The following DCTN1 variants were observed in gnomAD, a reference collection of about 807,000 sequenced individuals.
DCTN1 encodes dynactin subunit 1, also known as 150 kDa dynein-associated polypeptide.
A neutral mutation model predicts 161.2 loss-of-function variants in DCTN1; 61 were observed. That is an observed-to-expected ratio of 0.38 (90% CI 0.31 to 0.47). The LOEUF (loss-of-function observed/expected upper bound fraction) is 0.47, where lower values mean the gene tolerates loss of function less well. Ranked by LOEUF, DCTN1 falls within the 20% of genes least tolerant of loss-of-function variation. The pLI, the probability that DCTN1 is intolerant of heterozygous loss-of-function variation, is 0.99. For synonymous variants in DCTN1, 653 were observed against 632.4 expected (o/e 1.03, Z -0.49); for missense variants, 1,404 against 1,623.7 (o/e 0.86, Z 2.33).
At chr2:74,373,342 G>A (rs1675008984) in intron 6 of DCTN1, 2 of 326,752 alleles carry the variant, frequency 6.1e-6, no homozygotes, top group Non-Finnish European at 6.0e-6. Context: ...GCCCCGCCCA[G>A]CCACCACTCC....
chr2:74,387,977 G>A (rs1194925732), intron 1 of DCTN1, among the ~76,000 whole-genome samples: 1 of 152,168 alleles, frequency 6.6e-6, no homozygotes, highest in Non-Finnish European at 1.5e-5. Flanking sequence ...TTGAGGCCAG[G>A]AGTTTGAGAT....
At chr2:74,385,978 T>C (rs1217741818) in intron 1 of DCTN1, among the ~76,000 whole-genome samples, 6 of 152,236 alleles carry the variant, frequency 3.9e-5, no homozygotes, top group African/African-American at 1.4e-4. Context: ...TCTCTCTTCT[T>C]ATTCACCTCT....
intron 7 of DCTN1, among the ~76,000 whole-genome samples, chr2:74,372,426 G>T (rs1344068121): frequency 6.6e-6 from 1 of 152,208 alleles, no homozygotes; most frequent in African/African-American, 2.4e-5. Context: ...GTGGGCAGAG[G>T]AGCTGACCTG....
chr2:74,378,021 G>C lies in DCTN1; in HGVS notation c.258C>G (p.Gly86=), dbSNP rs140054458. The C allele has an allele frequency of 6.2e-7, 1 of 1,614,262 alleles. No homozygotes were observed. The change falls in exon 2 of 32, where the codon GGC becomes GGG. Residue 86 remains glycine, a synonymous_variant. Transcript: ENST00000628224. ...RKYFTCDEGH[G]IFVRQSQIQV... is the part of the protein sequence containing the mutation. ...ATACCTGGGACTGGCGCACAAAGAT[G>C]CCATGCCCTTCATCACAAGTGAAGT...
Position 74,370,105 on chromosome 2 carries a change from G to T in DCTN1, c.1288-36C>A. ...GGGAGGATAGGGAGAAGGGCTGCTG[G>T]AAGGTACCTAGAAAGAGGAGGCATC... On this transcript the variant is annotated intron_variant, in intron 12 of 31. Transcript: ENST00000628224. This position sits in a 1 kb window ranked among gnomAD's most constrained non-coding sequence, Gnocchi z 4.4. The T allele has an allele frequency of 6.2e-7, 1 of 1,614,102 alleles. No individual in the cohort carries two copies. The highest frequency in any genetic ancestry group is 8.5e-7 in the Non-Finnish European group (1 of 1,179,976).
chr2:74,368,272 T>C (rs1000109598), intron 16 of DCTN1, 141 bp from the exon 17 acceptor site: 28 of 1,135,876 alleles, frequency 2.5e-5, no homozygotes, highest in Non-Finnish European at 3.5e-5. Context: ...CTTACCTGGG[T>C]GGGGAATCTT....
intron 23 of DCTN1, 94 bp from the exon 24 acceptor site, chr2:74,366,112 C>T: frequency 6.2e-7 from 1 of 1,611,984 alleles, no homozygotes; most frequent in Non-Finnish European, 8.5e-7. Flanking sequence ...CAGGGAAAAC[C>T]CTGCCTTCTA....
rs1412350134 is a variant in DCTN1, at chr2:74,369,450, T to C, written c.1434A>G (p.Ala478=). The C allele has an allele frequency of 6.2e-7, 1 of 1,614,012 alleles. No individual in the cohort carries two copies. The highest frequency in any genetic ancestry group is 1.3e-5 in the African/African-American group (1 of 74,930). Residue 478 remains alanine, a synonymous_variant, in exon 14 of 32, where the codon GCA becomes GCG. Transcript: ENST00000628224. The surrounding 1 kb of genome is among the most constrained non-coding windows in gnomAD (Gnocchi z 4.9). ...NEMNDELQEN[A]RETELELREQ... ...CCCGCAGCTCCAGTTCTGTCTCACG[T>C]GCATTCTCCTGCAGCTCATCGTTCA...
chr2:74,364,932 C>G, intron 26 of DCTN1, 143 bp downstream of exon 26: 4 of 1,063,652 alleles, frequency 3.8e-6, no homozygotes, highest in Non-Finnish European at 5.6e-6. Flanking sequence ...TTGGTGAAAA[C>G]TGGCACAGAG....
chr2:74,361,330 C>T lies in DCTN1; in HGVS notation c.*169G>A. ...GGCCAGGGAATGGGAGTGGGGGAAC[C>T]CGGGTCAAGGTGAAGGGGCAGGACG... On this transcript the variant is annotated 3_prime_UTR_variant, in exon 32 of 32. Coordinates refer to ENST00000628224, the MANE Select transcript of DCTN1 (RefSeq NM_004082.5). The T allele has an allele frequency of 1.0e-6, 1 of 953,120 alleles. No individual in the cohort carries two copies. The highest frequency in any genetic ancestry group is 1.6e-6 in the Non-Finnish European group (1 of 616,436). 59.0% of individuals were successfully genotyped at this position (953,120 alleles called of 1,614,324 possible).
chr2:74,370,340 C>T lies in DCTN1; in HGVS notation c.1133G>A (p.Arg378Gln), dbSNP rs750095273. The T allele has an allele frequency of 1.2e-6, 2 of 1,613,942 alleles. No homozygotes were observed. Among genetic ancestry groups the T allele is most frequent in the Middle Eastern group, 1.7e-4 (1 of 6,058 alleles). The part of the protein sequence containing the change: ...ARLKDALVRM[R>Q]DLSSSEKQEH... ...CTGCTTCTCTGAGGAAGAAAGATCC[C>T]GCATCCTGCAGGGATGTGAGGAAGG... is the stretch of plus-strand genomic sequence containing the variant. Residue 378 changes from arginine to glutamine, a missense_variant, in exon 12 of 32, where the codon CGG (arginine) becomes CAG (glutamine). Arg to Gln is a conservative substitution (Grantham distance 43). Around this residue, in one of 9 missense-constraint regions of DCTN1, gnomAD observed 278 missense variants for 363.8 expected, o/e 0.76. Transcript: ENST00000628224. The surrounding 1 kb of genome is among the most constrained non-coding windows in gnomAD (Gnocchi z 4.4).
chr2:74,365,754 A>C, intron 24 of DCTN1, 97 bp from the exon 25 acceptor site: 1 of 1,611,124 alleles, frequency 6.2e-7, no homozygotes, highest in East Asian at 2.2e-5. Flanking sequence ...CTGAGGGCTC[A>C]CCACAGCTCC....
Position 74,371,002 on chromosome 2 carries a change from G to A in DCTN1, c.820C>T (p.Arg274Trp), listed in dbSNP as rs1420213643. The change falls in exon 9 of 32, where the codon CGG becomes TGG. Residue 274 changes from arginine (R) to tryptophan (W), a missense_variant. By Grantham distance (101) the Arg-to-Trp change is moderately radical. Around this residue, in one of 9 missense-constraint regions of DCTN1, gnomAD observed 67 missense variants for 116.3 expected, o/e 0.58. Transcript: ENST00000628224. ...ACCTTTCTCGCCTCCTTGAGGCGCC[G>A]CTGCAGGTCGGCCTGCTGCTCCTGC... is the stretch of plus-strand genomic sequence containing the variant. ...KMQEQQADLQ[R>W]RLKEARKEAK... 2.0e-5 allele frequency: 33 copies of A among 1,614,002 alleles called. No homozygotes were observed. Among genetic ancestry groups the A allele is most frequent in the Non-Finnish European group, 2.4e-5 (28 of 1,180,024 alleles).
chr2:74,364,956 G>T (rs894909293), intron 26 of DCTN1, 119 bp downstream of exon 26: 1 of 1,273,268 alleles, frequency 7.9e-7, no homozygotes. Flanking sequence ...AACTGTGTAA[G>T]CATGTTCCTG....
At chr2:74,377,884 A>G in intron 2 of DCTN1, 116 bp downstream of exon 2, 1 of 1,513,090 alleles carries the variant, frequency 6.6e-7, no homozygotes, top group Non-Finnish European at 9.1e-7. Flanking sequence ...ACTACCTTCC[A>G]CTCTCCCAAC....
At position 74,366,633 on chromosome 2, in the gene DCTN1, C is replaced by A. The variant is rs1674433892; in HGVS notation, c.2467-13G>T. On this transcript the variant is annotated splice_polypyrimidine_tract_variant and intron_variant, in intron 21 of 31. Coordinates refer to ENST00000628224, the MANE Select transcript of DCTN1 (RefSeq NM_004082.5). ...GCGTGTCAGATACCTGTGTGCCAGG[C>A]CAGAGTCAGGAGTCAACCCTGGGTT... The A allele has an allele frequency of 6.2e-7, 1 of 1,612,330 alleles. No individual in the cohort carries two copies. The highest frequency in any genetic ancestry group is 1.3e-5 in the African/African-American group (1 of 74,932).
At position 74,370,208 on chromosome 2, in the gene DCTN1, G is replaced by A. The variant is rs758357065; in HGVS notation, c.1265C>T (p.Thr422Ile). The A allele has an allele frequency of 1.2e-6, 2 of 1,613,932 alleles. No individual in the cohort carries two copies. Among genetic ancestry groups the A allele is most frequent in the Admixed American group, 1.7e-5 (1 of 60,024 alleles). ...LQEELSQAES[T>I]IDELKEQVDA... is the part of the protein sequence containing the mutation. ...GACCTGCTCCTTGAGCTCATCAATG[G>A]TGCTCTCTGCCTGGCTTAGCTCCTC... is the stretch of plus-strand genomic sequence containing the variant. Residue 422 changes from threonine (T) to isoleucine (I), a missense_variant, in exon 12 of 32, where the codon ACC becomes ATC. Transcript: ENST00000628224. This position sits in a 1 kb window ranked among gnomAD's most constrained non-coding sequence, Gnocchi z 4.4.
At chr2:74,368,487 C>T (rs1373345165) in intron 16 of DCTN1, 1 of 654,948 alleles carries the variant, frequency 1.5e-6, no homozygotes, top group Non-Finnish European at 2.6e-6. Flanking sequence ...AATGTTATTC[C>T]CTCAGTCACA....
intron 1 of DCTN1, chr2:74,386,450 C>A (rs1238065733): frequency 2.0e-5 from 3 of 152,156 alleles, no homozygotes; most frequent in Non-Finnish European, 4.4e-5. Flanking sequence ...TTGTATAAAG[C>A]ACTCAATAAA....
Sources: gnomAD v4.1 joint callset for allele counts (sites outside exome capture counted in the v4.1 genomes callset) on GRCh38, gnomAD v4.1.1 for gene constraint, gnomAD v4.1.1 regional missense constraint, Gnocchi (gnomAD v3.1) non-coding constraint, MANE v1.5 for transcripts, NCBI Gene and HGNC (gene_info 2026-07-23, HGNC 2026-07-21) for gene names.